The following MEGF11 variants were observed in gnomAD, a reference collection of about 807,000 sequenced individuals.
The protein encoded by MEGF11 is multiple epidermal growth factor-like domains protein 11.
MEGF11 carries 126 observed loss-of-function variants against 146.6 expected under a neutral mutation model. That is an observed-to-expected ratio of 0.86 (90% CI 0.74 to 1.00). The LOEUF (loss-of-function observed/expected upper bound fraction) is 1.00, where lower values mean the gene tolerates loss of function less well. MEGF11 is among the 50% of genes least tolerant of loss of function. MEGF11 has a pLI of 0.00. For synonymous variants in MEGF11, 532 were observed against 583.4 expected (o/e 0.91, Z 1.27); for missense variants, 1,509 against 1,521.2 (o/e 0.99, Z 0.13).
At chr15:66,244,506 CT>C (rs2092266455) in intron 1 of MEGF11, among the ~76,000 whole-genome samples, 1 of 152,118 alleles carries the variant, frequency 6.6e-6, no homozygotes, top group African/African-American at 2.4e-5. Context: ...GTCGGGAGAA[CT>C]TCAGGAAGAT....
chr15:65,961,275 G>A (rs1034781680), intron 9 of MEGF11, among the ~76,000 whole-genome samples: 4 of 151,950 alleles, frequency 2.6e-5, no homozygotes, highest in East Asian at 1.9e-4. Context: ...GCCTGGTTCC[G>A]TTCTCTCTGG....
At chr15:66,058,583 C>T (rs974966204) in intron 5 of MEGF11, among the ~76,000 whole-genome samples, 3 of 152,122 alleles carry the variant, frequency 2.0e-5, no homozygotes, top group African/African-American at 7.2e-5. Flanking sequence ...TGAGGCATCC[C>T]AGTTATGTAC....
intron 5 of MEGF11, among the ~76,000 whole-genome samples, chr15:65,983,881 A>G (rs536558720): frequency 1.3e-5 from 2 of 152,342 alleles, no homozygotes; most frequent in African/African-American, 4.8e-5. Flanking sequence ...ACAAGGGTAC[A>G]AGGTTCCAGT....
At chr15:66,128,189 CCAGGCTG>C (rs2088466996) in intron 2 of MEGF11, 110 bp downstream of exon 2, 1 of 568,174 alleles carries the variant, frequency 1.8e-6, no homozygotes. Context: ...ATCTCCCCAG[CCAGGCTG>C]CAGACCCTTA....
chr15:65,995,680 G>A (rs773064544), intron 5 of MEGF11, among the ~76,000 whole-genome samples: 2 of 152,178 alleles, frequency 1.3e-5, no homozygotes, highest in Non-Finnish European at 2.9e-5. Flanking sequence ...GTGTCCTTCA[G>A]GAAGTCCTGC....
intron 13 of MEGF11, among the ~76,000 whole-genome samples, chr15:65,927,761 A>C (rs1176937636): frequency 6.6e-6 from 1 of 152,212 alleles, no homozygotes; most frequent in East Asian, 1.9e-4. Flanking sequence ...TGGTGGCTGG[A>C]ATGTAGTGAG....
At chr15:66,056,457 G>T (rs2084678259) in intron 5 of MEGF11, among the ~76,000 whole-genome samples, 1 of 152,144 alleles carries the variant, frequency 6.6e-6, no homozygotes, top group Non-Finnish European at 1.5e-5. Context: ...AATAGCTATT[G>T]ATTCCCTACC....
At chr15:66,196,019 C>T (rs2091000816) in intron 1 of MEGF11, among the ~76,000 whole-genome samples, 1 of 152,156 alleles carries the variant, frequency 6.6e-6, no homozygotes. Context: ...AAGAGCTTTC[C>T]AAGCTGAGGA....
chr15:65,906,022 C>G (rs1037215599), intron 24 of MEGF11, 63 bp downstream of exon 24: 23 of 1,393,378 alleles, frequency 1.7e-5, no homozygotes, highest in Non-Finnish European at 2.0e-5. Context: ...CTGGCCATTT[C>G]AGATCTGCAC....
chr15:66,146,489 T>C (rs1052607372), intron 1 of MEGF11, among the ~76,000 whole-genome samples: 1 of 152,240 alleles, frequency 6.6e-6, no homozygotes, highest in African/African-American at 2.4e-5. Flanking sequence ...GGCCTCATCA[T>C]CTGGAACGAG....
chr15:66,039,417 A>G (rs1314192549), intron 5 of MEGF11, among the ~76,000 whole-genome samples: 1 of 152,170 alleles, frequency 6.6e-6, no homozygotes, highest in Non-Finnish European at 1.5e-5. Context: ...GCCTACGGGA[A>G]GAGGGAAGAG....
intron 1 of MEGF11, among the ~76,000 whole-genome samples, chr15:66,225,382 CT>C (rs2140178253): frequency 6.6e-6 from 1 of 152,386 alleles, no homozygotes; most frequent in East Asian, 1.9e-4. Flanking sequence ...AAGGCAATGG[CT>C]GAGGATGCTG....
At chr15:65,965,592 CTTTCTTTCTTTTTTTTT>C (rs2081047193) in intron 8 of MEGF11, among the ~76,000 whole-genome samples, 1 of 16,492 alleles carries the variant, frequency 6.1e-5, no homozygotes, top group Non-Finnish European at 1.6e-4. Flanking sequence ...TTCTTTCTTT[CTTTCTTTCTTTTTTTTT>C]TTTCTTTTTT....
intron 5 of MEGF11, among the ~76,000 whole-genome samples, chr15:66,085,377 A>T (rs898126275): frequency 3.3e-5 from 5 of 152,192 alleles, no homozygotes; most frequent in African/African-American, 1.2e-4. Flanking sequence ...ACCAGCACAA[A>T]AAAAGAGCAT....
intron 5 of MEGF11, among the ~76,000 whole-genome samples, chr15:66,085,081 C>T (rs1326908959): frequency 3.9e-5 from 6 of 152,092 alleles, no homozygotes; most frequent in African/African-American, 7.2e-5. Context: ...ACAACCTGCA[C>T]GACTCAGCAG....
intron 18 of MEGF11, 114 bp from the exon 19 acceptor site, chr15:65,915,712 T>C: frequency 1.5e-6 from 2 of 1,324,980 alleles, no homozygotes; most frequent in Non-Finnish European, 2.1e-6. Context: ...GTGAAGCCTA[T>C]TCCCTTAGCT....
At chr15:66,059,350 A>G (rs2084807546) in intron 5 of MEGF11, among the ~76,000 whole-genome samples, 1 of 152,132 alleles carries the variant, frequency 6.6e-6, no homozygotes, top group African/African-American at 2.4e-5. Flanking sequence ...CTCCCAGCCC[A>G]TAGCATTCCT....
At chr15:66,058,697 C>T (rs1038215466) in intron 5 of MEGF11, among the ~76,000 whole-genome samples, 1 of 152,138 alleles carries the variant, frequency 6.6e-6, no homozygotes, top group African/African-American at 2.4e-5. Context: ...CATCAGGGGT[C>T]ACTTCATGCT....
intron 1 of MEGF11, among the ~76,000 whole-genome samples, chr15:66,205,575 TG>T (rs1283964361): frequency 6.6e-6 from 1 of 152,202 alleles, no homozygotes; most frequent in Non-Finnish European, 1.5e-5. Context: ...CACTCGCTGG[TG>T]GTATCAGAGA....
Sources: allele counts gnomAD v4.1 joint callset (sites outside exome capture counted in the v4.1 genomes callset), GRCh38; gene constraint gnomAD v4.1.1; transcripts MANE v1.5; gene names NCBI Gene and HGNC (gene_info 2026-07-23, HGNC 2026-07-21).